MTG1: variants seen among roughly 807,000 people sequenced by gnomAD.
MTG1 encodes mitochondrial ribosome-associated GTPase 1.
Under a neutral mutation model 39.5 loss-of-function variants are expected in MTG1, and 30 were observed. The observed-to-expected ratio is 0.76, with a 90% CI of 0.57 to 1.03. MTG1 has a LOEUF of 1.03. MTG1 is among the 50% of genes least tolerant of loss of function. The pLI is 0.00. For synonymous variants in MTG1, 217 were observed against 179.0 expected, an observed-to-expected ratio of 1.21 and a Z score of -1.69; for missense variants, 513 against 447.4, an observed-to-expected ratio of 1.15 and a Z score of -1.32.
chr10:133,397,398 C>G (rs1589908436), intron 3 of MTG1, among the ~76,000 whole-genome samples: 1 of 142,970 alleles, frequency 7.0e-6, no homozygotes, highest in East Asian at 2.0e-4. Context: ...CATTTGGGGC[C>G]ACTACCGGTC....
Position 133,420,173 on chromosome 10 carries a change from CG to C in MTG1, c.*11del. On this transcript the variant is annotated 3_prime_UTR_variant, in exon 11 of 11. Transcript: ENST00000317502. ...GCTGAGACTTTGCCCTGAACTTGTC[CG>C]GGTAGGGAGGGCCGGAGGCATGTGG... 1 of 1,603,754 alleles carries C rather than the reference CG, an allele frequency of 6.2e-7. No individual in the cohort carries two copies. Among genetic ancestry groups the C allele is most frequent in the Non-Finnish European group, 8.5e-7 (1 of 1,174,940 alleles).
intron 9 of MTG1, among the ~76,000 whole-genome samples, chr10:133,415,676 C>T (rs764179962): frequency 2.3e-4 from 35 of 152,314 alleles, no homozygotes; most frequent in Non-Finnish European, 4.3e-4. Flanking sequence ...TTACGATGGA[C>T]CTTGGTATGG....
At chr10:133,407,576 T>A (rs114635961) in intron 9 of MTG1, among the ~76,000 whole-genome samples, 1,744 of 151,976 alleles carry the variant, frequency 0.011, 41 homozygotes, top group African/African-American at 0.04. Flanking sequence ...GATTTCTTTT[T>A]TTTTTTTTTG....
At chr10:133,401,293 G>A (rs1005141784) in intron 6 of MTG1, 3 of 445,410 alleles carry the variant, frequency 6.7e-6, no homozygotes, top group African/African-American at 2.0e-5. Context: ...GCTGTGAGCT[G>A]GTTTGTGACT....
At chr10:133,415,404 CTT>C (rs958594685) in intron 9 of MTG1, among the ~76,000 whole-genome samples, 1 of 149,912 alleles carries the variant, frequency 6.7e-6, no homozygotes, top group African/African-American at 2.4e-5. Context: ...TTTATTTCAC[CTT>C]TGTTTTGAAA....
intron 1 of MTG1, 135 bp downstream of exon 1, chr10:133,394,467 C>G (rs1289399519): frequency 7.5e-7 from 1 of 1,334,154 alleles, no homozygotes; most frequent in Non-Finnish European, 9.6e-7. Flanking sequence ...CTTGTCTCCC[C>G]TCCTTCCCCG....
Position 133,412,064 on chromosome 10 carries a change from C to CT in MTG1, c.753-7407dup, listed in dbSNP as rs1554892189. Reference sequence around the variant, plus strand: ...TTGTTATCCAGGCTTTCCTGTCTGGCTTTTTTTTTCTTGGATGTTTGCTTA... The same window carrying CT: ...TTGTTATCCAGGCTTTCCTGTCTGGCTTTTTTTTTTCTTGGATGTTTGCTTA... On this transcript the variant is annotated intron_variant, in intron 9 of 10. Transcript: ENST00000317502. Among the ~76,000 whole-genome samples, 12 of 151,268 alleles carry CT rather than the reference C, an allele frequency of 7.9e-5. No homozygotes were observed. In the South Asian group the frequency reaches 1.5e-3, roughly 18 times the overall value.
At chr10:133,415,346 G>A (rs1264772844) in intron 9 of MTG1, among the ~76,000 whole-genome samples, 1 of 152,142 alleles carries the variant, frequency 6.6e-6, no homozygotes, top group African/African-American at 2.4e-5. Context: ...TTGTAAGGCA[G>A]GTTTGCTAGT....
chr10:133,412,295 G>T (rs978757777), intron 9 of MTG1, among the ~76,000 whole-genome samples: 1 of 152,054 alleles, frequency 6.6e-6, no homozygotes, highest in Non-Finnish European at 1.5e-5. Context: ...CGCTATTTTT[G>T]ATACTATTGT....
chr10:133,395,651 T>C, intron 1 of MTG1, 62 bp from the exon 2 acceptor site: 1 of 1,527,316 alleles, frequency 6.5e-7, no homozygotes, highest in Non-Finnish European at 9.1e-7. Context: ...ACGGTTCAGC[T>C]TGAATCGATC....
intron 9 of MTG1, among the ~76,000 whole-genome samples, chr10:133,406,353 G>A (rs1849970747): frequency 6.6e-6 from 1 of 151,964 alleles, no homozygotes; most frequent in South Asian, 2.1e-4. Flanking sequence ...GTGCAGTGGT[G>A]CGATCACAGC....
chr10:133,396,351 G>T, intron 3 of MTG1, 84 bp downstream of exon 3: 2 of 1,190,776 alleles, frequency 1.7e-6, no homozygotes, highest in Non-Finnish European at 2.5e-6. Flanking sequence ...GTTGCCGGAC[G>T]CACACTTGTC....
chr10:133,402,023 A>G lies in MTG1; in HGVS notation c.574-126A>G, dbSNP rs1458346703. ...GGAGCTTGGTGAGAGTGACGCTGCC[A>G]TGGGGTTGGGTCCCTGAGGCCTTCC... is the stretch of plus-strand genomic sequence containing the variant. On this transcript the variant is annotated intron_variant, in intron 7 of 10. Coordinates refer to ENST00000317502, the MANE Select transcript of MTG1 (RefSeq NM_138384.4). This position sits in a 1 kb window ranked among gnomAD's most constrained non-coding sequence, Gnocchi z 4.7. The G allele has an allele frequency of 3.9e-6, 4 of 1,016,196 alleles. No homozygotes were observed. Among genetic ancestry groups the G allele is most frequent in the East Asian group, 2.4e-5 (1 of 41,548 alleles). The allele number at this position is 1,016,196 out of a possible 1,614,324, so 62.9% of individuals were successfully genotyped here.
intron 9 of MTG1, among the ~76,000 whole-genome samples, chr10:133,414,687 C>A (rs180710954): frequency 2.0e-5 from 3 of 151,706 alleles, no homozygotes; most frequent in Non-Finnish European, 2.9e-5. Context: ...AGACGATGGG[C>A]GGCCAGGCAG....
Position 133,399,513 on chromosome 10 carries a change from C to T in MTG1, c.421-16C>T, listed in dbSNP as rs1284525907. On this transcript the variant is annotated splice_polypyrimidine_tract_variant and intron_variant, in intron 5 of 10. Transcript: ENST00000317502. ...GGCCACGGTGGGCCCTGTGACCCCT[C>T]TCTCTGCCTGCGCAGAACCTGGAGT... 3 of 1,612,858 alleles carry T rather than the reference C, an allele frequency of 1.9e-6. No homozygotes were observed. Among genetic ancestry groups the T allele is most frequent in the Admixed American group, 1.7e-5 (1 of 59,950 alleles).
Position 133,402,080 on chromosome 10 carries a change from C to T in MTG1, c.574-69C>T. On this transcript the variant is annotated intron_variant, in intron 7 of 10. Coordinates refer to ENST00000317502, the MANE Select transcript of MTG1 (RefSeq NM_138384.4). This position sits in a 1 kb window ranked among gnomAD's most constrained non-coding sequence, Gnocchi z 4.7. Reference sequence around the variant, plus strand: ...CATTGGGTGCCAGGGGCTGCCCAGGCTTCCTGAGTGGCCCACCTGGGTGGG... The same window carrying T: ...CATTGGGTGCCAGGGGCTGCCCAGGTTTCCTGAGTGGCCCACCTGGGTGGG... The T allele has an allele frequency of 1.3e-6, 2 of 1,593,768 alleles. No homozygotes were observed. Among genetic ancestry groups the T allele is most frequent in the African/African-American group, 1.3e-5 (1 of 74,720 alleles).
intron 4 of MTG1, 122 bp from the exon 5 acceptor site, chr10:133,399,043 TTTTCC>T: frequency 9.4e-7 from 1 of 1,061,186 alleles, no homozygotes; most frequent in Admixed American, 2.0e-5. Flanking sequence ...GAGGTTTCTG[TTTTCC>T]TAACGGATAT....
chr10:133,396,291 C>T (rs1361200925), intron 3 of MTG1, 24 bp downstream of exon 3: 1 of 1,584,808 alleles, frequency 6.3e-7, no homozygotes, highest in Non-Finnish European at 8.7e-7. Context: ...TCTCAGACGC[C>T]TTCAGCAGTG....
Position 133,402,288 on chromosome 10 carries a change from C to G in MTG1, c.670+43C>G. The stretch of plus-strand genomic sequence containing the variant: ...CTGGGGCTGGGGCTGGGACCGGGGC[C>G]CCTGCCACCCCACCTTTAGGGCTGG... On this transcript the variant is annotated intron_variant, in intron 8 of 10. Transcript: ENST00000317502. The surrounding 1 kb of genome is among the most constrained non-coding windows in gnomAD (Gnocchi z 4.7). 1 of 1,609,834 alleles carries G rather than the reference C, an allele frequency of 6.2e-7. No homozygotes were observed. The highest frequency in any genetic ancestry group is 8.5e-7 in the Non-Finnish European group (1 of 1,177,916).
Sources: allele counts gnomAD v4.1 joint callset (sites outside exome capture counted in the v4.1 genomes callset), GRCh38; gene constraint gnomAD v4.1.1; non-coding constraint Gnocchi (gnomAD v3.1); transcripts MANE v1.5; gene names NCBI Gene and HGNC (gene_info 2026-07-23, HGNC 2026-07-21).